HACD2: variants seen among roughly 807,000 people sequenced by gnomAD.
The protein encoded by HACD2 is 3-hydroxyacyl-CoA dehydratase 2.
In HACD2, 15 loss-of-function variants were observed where a neutral mutation model predicts 31.0. The ratio of observed to expected loss-of-function variants is 0.48; its 90% CI spans 0.32 to 0.75. The LOEUF (loss-of-function observed/expected upper bound fraction) is 0.75. Ranked by LOEUF, HACD2 falls within the 30% of genes least tolerant of loss-of-function variation. The pLI is 0.03. For missense variants in HACD2, 283 were observed against 313.0 expected (o/e 0.90, Z 0.72); for synonymous variants, 115 against 122.2 (o/e 0.94, Z 0.39).
chr3:123,576,232 C>G (rs1559936573), intron 2 of HACD2, among the ~76,000 whole-genome samples: 1 of 145,942 alleles, frequency 6.9e-6, no homozygotes, highest in African/African-American at 2.7e-5. Flanking sequence ...ATATTGCCAC[C>G]ATTGATATTT....
At chr3:123,503,334 G>A (rs886399613) in intron 4 of HACD2, among the ~76,000 whole-genome samples, 1 of 151,688 alleles carries the variant, frequency 6.6e-6, no homozygotes, top group Non-Finnish European at 1.5e-5. Flanking sequence ...GTGAGGGGAG[G>A]GCTTGGGACC....
At chr3:123,564,622 C>T (rs2056771695) in intron 3 of HACD2, among the ~76,000 whole-genome samples, 1 of 152,106 alleles carries the variant, frequency 6.6e-6, no homozygotes, top group Non-Finnish European at 1.5e-5. Flanking sequence ...AGACACCCAA[C>T]TGCAGGGTTC....
intron 2 of HACD2, among the ~76,000 whole-genome samples, chr3:123,572,697 G>A (rs1320928861): frequency 6.6e-6 from 1 of 151,966 alleles, no homozygotes; most frequent in African/African-American, 2.4e-5. Context: ...TATTTTTGTA[G>A]GTTACCAACA....
At chr3:123,509,348 A>G (rs989010105) in intron 4 of HACD2, among the ~76,000 whole-genome samples, 1 of 151,942 alleles carries the variant, frequency 6.6e-6, no homozygotes, top group Non-Finnish European at 1.5e-5. Context: ...AGCCTGGGCA[A>G]CAGAGCAAGA....
intron 3 of HACD2, among the ~76,000 whole-genome samples, chr3:123,537,856 A>C (rs1225297814): frequency 6.6e-6 from 1 of 151,854 alleles, no homozygotes; most frequent in East Asian, 1.9e-4. Context: ...CTTTTAAAGA[A>C]CACAAATTAA....
At position 123,549,937 on chromosome 3, in the gene HACD2, A is replaced by G. The variant is rs569743684; in HGVS notation, c.292+17825T>C. ...CCCCAGAGTTGTCATTTGGGAATCC[A>G]GGTATGCTCAGAGGACAAATACTGG... On this transcript the variant is annotated intron_variant, in intron 3 of 6. Transcript: ENST00000383657. 4.6e-5 allele frequency among the ~76,000 whole-genome samples: 7 copies of G among 152,292 alleles called. No individual in the cohort carries two copies. In the South Asian group the frequency reaches 1.5e-3, roughly 32 times the overall value.
chr3:123,537,626 T>TA, intron 3 of HACD2, among the ~76,000 whole-genome samples: 1 of 149,384 alleles, frequency 6.7e-6, no homozygotes, highest in Admixed American at 6.7e-5. Context: ...AAAAAAGTTT[T>TA]AAAATTTTTT....
intron 1 of HACD2, among the ~76,000 whole-genome samples, chr3:123,582,781 C>G (rs1173374964): frequency 6.6e-6 from 1 of 152,042 alleles, no homozygotes; most frequent in African/African-American, 2.4e-5. Context: ...AATTGTCTCA[C>G]TGGAACAATT....
At chr3:123,545,408 G>A (rs963236853) in intron 3 of HACD2, among the ~76,000 whole-genome samples, 1 of 151,462 alleles carries the variant, frequency 6.6e-6, no homozygotes, top group African/African-American at 2.4e-5. Context: ...CTTGAACCCA[G>A]GAGGCAGAGG....
chr3:123,509,931 G>A (rs972054759), intron 4 of HACD2, among the ~76,000 whole-genome samples: 1 of 152,156 alleles, frequency 6.6e-6, no homozygotes, highest in African/African-American at 2.4e-5. Context: ...GTAAGAACAT[G>A]TATAGGTAGG....
intron 4 of HACD2, among the ~76,000 whole-genome samples, chr3:123,523,290 T>C (rs1366743895): frequency 6.6e-6 from 1 of 152,088 alleles, no homozygotes; most frequent in East Asian, 1.9e-4. Context: ...AACCGTGTTC[T>C]CTCTCTGAAG....
At chr3:123,495,048 T>C (rs3821407) in intron 6 of HACD2, 78 bp from the exon 7 acceptor site, 23,845 of 879,040 alleles carry the variant, frequency 0.027, 1,579 homozygotes, top group East Asian at 0.25. Context: ...GAAGTTGAGG[T>C]CCTCTCTGAC....
At chr3:123,546,641 C>T (rs914751717) in intron 3 of HACD2, among the ~76,000 whole-genome samples, 2 of 152,202 alleles carry the variant, frequency 1.3e-5, no homozygotes, top group Non-Finnish European at 2.9e-5. Flanking sequence ...GAAAGACAGA[C>T]TTCCTGTTAT....
chr3:123,554,086 A>AAT (rs2107734224), intron 3 of HACD2, among the ~76,000 whole-genome samples: 2 of 254 alleles, frequency 7.9e-3, no homozygotes, highest in Admixed American at 0.062. Flanking sequence ...CCAAACTAAT[A>AAT]ATATATATTA....
intron 4 of HACD2, among the ~76,000 whole-genome samples, chr3:123,507,010 T>A (rs2107685561): frequency 6.6e-6 from 1 of 152,222 alleles, no homozygotes; most frequent in African/African-American, 2.4e-5. Flanking sequence ...ATAATCCCAG[T>A]GTTTTGGGAG....
At chr3:123,573,151 A>G (rs2056872969) in intron 2 of HACD2, among the ~76,000 whole-genome samples, 3 of 152,210 alleles carry the variant, frequency 2.0e-5, no homozygotes, top group African/African-American at 7.2e-5. Context: ...TGTTTTAGGA[A>G]TTATCATATT....
At chr3:123,497,549 C>G (rs1013743682) in intron 6 of HACD2, among the ~76,000 whole-genome samples, 1 of 152,224 alleles carries the variant, frequency 6.6e-6, no homozygotes, top group African/African-American at 2.4e-5. Flanking sequence ...CACTGACAAC[C>G]TGGAAAGCGC....
chr3:123,520,508 C>T (rs2056200181), intron 4 of HACD2, among the ~76,000 whole-genome samples: 1 of 152,182 alleles, frequency 6.6e-6, no homozygotes, highest in Non-Finnish European at 1.5e-5. Flanking sequence ...TCACATATGG[C>T]TAAGAGCTAC....
rs1040115523 is a variant in HACD2 at position 123,491,970 on chromosome 3, T to A, written c.*2918A>T. 1.3e-5 allele frequency: 2 copies of A among 152,158 alleles called. No homozygotes were observed. The highest frequency in any genetic ancestry group is 2.9e-5 in the Non-Finnish European group (2 of 68,000). The allele number at this position is 152,158 out of a possible 1,614,324, so 9.4% of individuals were successfully genotyped here. A position where few individuals can be genotyped will look rare whatever the true frequency, so the allele number is the denominator to read the frequency against. On this transcript the variant is annotated 3_prime_UTR_variant, in exon 7 of 7. Transcript: ENST00000383657. ...TATTATAAATGAATAACCAAAAAAA[T>A]AAGTGAAAAATGAGGGCACGATCTC... is the stretch of plus-strand genomic sequence containing the variant.
Sources: allele counts gnomAD v4.1 joint callset (sites outside exome capture counted in the v4.1 genomes callset), GRCh38; gene constraint gnomAD v4.1.1; transcripts MANE v1.5; gene names NCBI Gene and HGNC (gene_info 2026-07-23, HGNC 2026-07-21).